NELL1: variants seen among roughly 807,000 people sequenced by gnomAD.
The protein encoded by NELL1 is protein kinase C-binding protein NELL1.
In NELL1, 76 loss-of-function variants were observed where a neutral mutation model predicts 107.4. The ratio of observed to expected loss-of-function variants is 0.71; its 90% confidence interval spans 0.59 to 0.86. NELL1 has a LOEUF of 0.86. Ranked by LOEUF, NELL1 falls within the 40% of genes least tolerant of loss-of-function variation. The probability of loss-of-function intolerance (pLI) is 0.00; values close to 1 mark genes in which losing one functional copy is unlikely to be tolerated. For synonymous variants in NELL1, 353 were observed against 341.2 expected (o/e 1.03, Z -0.38); for missense variants, 1,024 against 1,005.5 (o/e 1.02, Z -0.25).
intron 13 of NELL1, among the ~76,000 whole-genome samples, chr11:21,136,836 G>A (rs1855754824): frequency 6.6e-6 from 1 of 152,132 alleles, no homozygotes; most frequent in Non-Finnish European, 1.5e-5. Flanking sequence ...AAGCAATTTA[G>A]TCACAAGTTT....
intron 3 of NELL1, among the ~76,000 whole-genome samples, chr11:20,786,802 A>G (rs193291713): frequency 4.2e-4 from 64 of 151,942 alleles, no homozygotes; most frequent in Non-Finnish European, 7.4e-4. Flanking sequence ...AGGTCAGGAG[A>G]TCGAGACCAT....
intron 15 of NELL1, among the ~76,000 whole-genome samples, chr11:21,522,291 A>G (rs1233406844): frequency 1.3e-5 from 2 of 152,190 alleles, no homozygotes; most frequent in Non-Finnish European, 2.9e-5. Flanking sequence ...ACTATTCGCA[A>G]TAATGACAAT....
intron 12 of NELL1, among the ~76,000 whole-genome samples, chr11:21,018,463 A>G (rs1379575498): frequency 6.6e-6 from 1 of 152,052 alleles, no homozygotes; most frequent in Non-Finnish European, 1.5e-5. Flanking sequence ...GTGACTGGGA[A>G]CAAACTTACT....
At chr11:21,530,270 C>A (rs1235461736) in intron 15 of NELL1, among the ~76,000 whole-genome samples, 1 of 152,098 alleles carries the variant, frequency 6.6e-6, no homozygotes, top group Admixed American at 6.6e-5. Flanking sequence ...TACGAAAGTA[C>A]CTCTTTGAAA....
At chr11:20,915,713 A>ATTT (rs1437256065) in intron 5 of NELL1, among the ~76,000 whole-genome samples, 1 of 57,722 alleles carries the variant, frequency 1.7e-5, no homozygotes, top group African/African-American at 9.9e-5. Flanking sequence ...ATATATATAT[A>ATTT]TATATTTTTT....
At chr11:21,105,162 G>A (rs1854919131) in intron 12 of NELL1, among the ~76,000 whole-genome samples, 2 of 152,122 alleles carry the variant, frequency 1.3e-5, no homozygotes, top group Non-Finnish European at 2.9e-5. Flanking sequence ...AAGGTTTGTT[G>A]CCTCATGCCA....
At chr11:21,194,137 C>T (rs1240213034) in intron 13 of NELL1, among the ~76,000 whole-genome samples, 3 of 151,774 alleles carry the variant, frequency 2.0e-5, no homozygotes, top group Non-Finnish European at 2.9e-5. Context: ...CTCATGGATT[C>T]TCATAATATC....
chr11:20,734,878 G>A (rs1451470592), intron 2 of NELL1, among the ~76,000 whole-genome samples: 4 of 152,122 alleles, frequency 2.6e-5, no homozygotes, highest in Non-Finnish European at 4.4e-5. Flanking sequence ...GGCCCCTGGG[G>A]ATTTGTTAGA....
chr11:21,551,477 G>A (rs1267165864), intron 16 of NELL1, among the ~76,000 whole-genome samples: 2 of 151,324 alleles, frequency 1.3e-5, no homozygotes, highest in African/African-American at 2.4e-5. Context: ...TGGCTGTAAG[G>A]ACATGAACAG....
intron 15 of NELL1, among the ~76,000 whole-genome samples, chr11:21,482,236 G>T (rs532918561): frequency 6.6e-6 from 1 of 152,292 alleles, no homozygotes; most frequent in South Asian, 2.1e-4. Context: ...CTGCTCTAAT[G>T]GACTGTGGAC....
intron 3 of NELL1, among the ~76,000 whole-genome samples, chr11:20,787,976 C>T (rs978886865): frequency 6.6e-6 from 1 of 152,150 alleles, no homozygotes; most frequent in Non-Finnish European, 1.5e-5. Flanking sequence ...CCCTTTTTGA[C>T]TGGCTTCTCT....
At chr11:21,523,508 C>A (rs1855778879) in intron 15 of NELL1, among the ~76,000 whole-genome samples, 1 of 152,106 alleles carries the variant, frequency 6.6e-6, no homozygotes, top group South Asian at 2.1e-4. Flanking sequence ...GGCTCTATTA[C>A]CTCTAATACA....
At position 21,115,633 on chromosome 11, in the gene NELL1, A is replaced by G. The variant is rs138126111; in HGVS notation, c.1426+1919A>G. 3.0e-3 allele frequency among the ~76,000 whole-genome samples: 458 copies of G among 151,946 alleles called. 3 individuals are homozygous for G. Among genetic ancestry groups the G allele is most frequent in the African/African-American group, 0.011 (439 of 41,488 alleles). ...TTTCCTTCTTACCCTCAAATCTTCAATAAAGTCTTCCCACCCTGAATGCCT... is the reference window on the plus strand; with the variant it reads ...TTTCCTTCTTACCCTCAAATCTTCAGTAAAGTCTTCCCACCCTGAATGCCT... On this transcript the variant is annotated intron_variant, in intron 13 of 19. Coordinates refer to ENST00000357134, the MANE Select transcript of NELL1 (RefSeq NM_006157.5).
chr11:21,307,035 G>A (rs1477343941), intron 14 of NELL1, among the ~76,000 whole-genome samples: 1 of 151,900 alleles, frequency 6.6e-6, no homozygotes, highest in Non-Finnish European at 1.5e-5. Context: ...CTTTTTCCAT[G>A]ATTTCCTATT....
At chr11:20,770,793 A>C (rs1437589575) in intron 2 of NELL1, 1 of 152,186 alleles carries the variant, frequency 6.6e-6, no homozygotes, top group Non-Finnish European at 1.5e-5. Flanking sequence ...GGTGAGCATG[A>C]GGGTAGCTAT....
At chr11:21,396,567 A>G (rs1018946000) in intron 15 of NELL1, among the ~76,000 whole-genome samples, 1 of 151,628 alleles carries the variant, frequency 6.6e-6, no homozygotes, top group East Asian at 2.0e-4. Context: ...GCCAAGTACA[A>G]AGATAATTTA....
At chr11:21,166,034 G>T (rs1331193021) in intron 13 of NELL1, among the ~76,000 whole-genome samples, 1 of 151,530 alleles carries the variant, frequency 6.6e-6, no homozygotes, top group East Asian at 1.9e-4. Context: ...GGATTACAGG[G>T]GTAAGCCACC....
intron 15 of NELL1, among the ~76,000 whole-genome samples, chr11:21,460,917 T>C (rs1201798240): frequency 6.6e-6 from 1 of 152,076 alleles, no homozygotes; most frequent in South Asian, 2.1e-4. Context: ...ACATTGTGAT[T>C]GGGGTAATAT....
intron 2 of NELL1, among the ~76,000 whole-genome samples, chr11:20,752,324 C>A (rs112049457): frequency 0.034 from 5,150 of 152,096 alleles, 289 homozygotes; most frequent in African/African-American, 0.12. Flanking sequence ...CCGAGGCAGG[C>A]GGATCACCTG....
Sources: allele counts gnomAD v4.1 joint callset (sites outside exome capture counted in the v4.1 genomes callset), GRCh38; gene constraint gnomAD v4.1.1; transcripts MANE v1.5; gene names NCBI Gene and HGNC (gene_info 2026-07-23, HGNC 2026-07-21).